Variants in LPIN3 observed in about 807,000 individuals in gnomAD.
LPIN3 encodes the protein phosphatidate phosphatase LPIN3.
Under a neutral mutation model 94.7 loss-of-function variants are expected in LPIN3, and 82 were observed. The observed-to-expected ratio is 0.87, with a 90% CI of 0.72 to 1.04. The LOEUF is 1.04. LPIN3 is among the 50% of genes least tolerant of loss of function. The pLI is 0.00. For synonymous variants in LPIN3, 418 were observed against 443.3 expected (o/e 0.94, Z 0.72); for missense variants, 996 against 1,090.5 (o/e 0.91, Z 1.22).
intron 2 of LPIN3, among the ~76,000 whole-genome samples, chr20:41,346,780 C>A (rs988637073): frequency 5.3e-5 from 8 of 152,146 alleles, no homozygotes; most frequent in Non-Finnish European, 7.3e-5. Flanking sequence ...TAAATAAATC[C>A]ATTCCACCTT....
At chr20:41,358,701 C>T (rs747108522) in intron 19 of LPIN3, 21 bp from the exon 20 acceptor site, 1 of 1,612,878 alleles carries the variant, frequency 6.2e-7, no homozygotes, top group Non-Finnish European at 8.5e-7. Flanking sequence ...AGGCTCAGTG[C>T]TGGCCCCCTT....
Position 41,359,835 on chromosome 20 carries a change from C to T in LPIN3, c.*969C>T, listed in dbSNP as rs1469951093. The T allele has an allele frequency of 6.6e-6, 1 of 152,258 alleles. No homozygotes were observed. Among genetic ancestry groups the T allele is most frequent in the Non-Finnish European group, 1.5e-5 (1 of 68,078 alleles). The allele number at this position is 152,258 out of a possible 1,614,324, so 9.4% of individuals were successfully genotyped here. A position where few individuals can be genotyped will look rare whatever the true frequency, so the allele number is the denominator to read the frequency against. ...CTGGGGCAGGTGTTGGCCTGAAAGT[C>T]CTCCCCCAGCCTCTGCTGGCCAGCT... On this transcript the variant is annotated 3_prime_UTR_variant, in exon 20 of 20. Coordinates refer to ENST00000373257, the MANE Select transcript of LPIN3 (RefSeq NM_022896.3).
intron 2 of LPIN3, among the ~76,000 whole-genome samples, chr20:41,347,091 A>G (rs2045806545): frequency 6.6e-6 from 1 of 152,236 alleles, no homozygotes; most frequent in Non-Finnish European, 1.5e-5. Context: ...TGCAGAGATT[A>G]AATGAGATAA....
chr20:41,353,110 C>A (rs1333591728), intron 11 of LPIN3, among the ~76,000 whole-genome samples: 1 of 152,204 alleles, frequency 6.6e-6, no homozygotes, highest in Non-Finnish European at 1.5e-5. Flanking sequence ...GAGCTCAGGA[C>A]AAACCAGAGG....
intron 5 of LPIN3, among the ~76,000 whole-genome samples, chr20:41,349,528 T>C (rs1600721419): frequency 6.6e-6 from 1 of 152,092 alleles, no homozygotes; most frequent in Non-Finnish European, 1.5e-5. Flanking sequence ...TCTTTTTTTT[T>C]CCTTCCTTCC....
chr20:41,357,089 C>A lies in LPIN3; in HGVS notation c.1853C>A (p.Thr618Asn), dbSNP rs750795339. 8 of 1,614,084 alleles carry A rather than the reference C, an allele frequency of 5.0e-6. No individual in the cohort carries two copies. Among genetic ancestry groups the A allele is most frequent in the Non-Finnish European group, 3.4e-6 (4 of 1,179,996 alleles). Residue 618 changes from threonine (T) to asparagine (N), a missense_variant, in exon 15 of 20, where the codon ACC (threonine) becomes AAC (asparagine). Coordinates refer to ENST00000373257, the MANE Select transcript of LPIN3 (RefSeq NM_022896.3). The part of the protein sequence containing the change: ...EGANDVVFSV[T>N]TQYQGTCRCK... ...GCCAATGATGTGGTCTTCAGCGTGA[C>A]CACTCAGTACCAGGGCACCTGCCGC... is the stretch of plus-strand genomic sequence containing the variant.
In LPIN3 at chr20:41,349,025, C is replaced by T. The variant is rs576750113; in HGVS notation, c.558-67C>T. On this transcript the variant is annotated intron_variant, in intron 4 of 19. Transcript: ENST00000373257. ...TTCACCTTACCAAGCCCCTGATGTC[C>T]AGGCTCTCATGCCTGCCTGGGGCAT... The T allele has an allele frequency of 5.9e-5, 95 of 1,598,638 alleles. No individual in the cohort carries two copies. The Admixed American group carries it at 1.6e-3, about 27-fold the overall frequency.
intron 14 of LPIN3, among the ~76,000 whole-genome samples, chr20:41,356,251 G>A (rs573074572): frequency 2.0e-5 from 3 of 152,270 alleles, no homozygotes; most frequent in East Asian, 3.9e-4. Flanking sequence ...GTCAGACACC[G>A]GGAAAGCTGT....
intron 1 of LPIN3, among the ~76,000 whole-genome samples, chr20:41,342,824 G>T (rs2045634556): frequency 6.6e-6 from 1 of 152,208 alleles, no homozygotes; most frequent in Admixed American, 6.5e-5. Context: ...CGTGACATTA[G>T]ATCTGAGGGA....
rs1285845509 is a variant in LPIN3 at position 41,356,107 on chromosome 20, G to T, written c.1803+73G>T. 5 of 1,560,228 alleles carry T rather than the reference G, an allele frequency of 3.2e-6. No homozygotes were observed. In the African/African-American group the frequency reaches 6.8e-5, roughly 21 times the overall value. Reference sequence around the variant, plus strand: ...TCTGTCTTAGAGTCCCTCAGGACCTGGCTGAGAAATGGCTCCAGGGAGCCA... The same window carrying T: ...TCTGTCTTAGAGTCCCTCAGGACCTTGCTGAGAAATGGCTCCAGGGAGCCA... On this transcript the variant is annotated intron_variant, in intron 14 of 19. Transcript: ENST00000373257.
Position 41,348,711 on chromosome 20 carries a change from G to C in LPIN3, c.381G>C (p.Glu127Asp). The C allele has an allele frequency of 6.2e-7, 1 of 1,613,966 alleles. No homozygotes were observed. The change falls in exon 4 of 20, where the codon GAG becomes GAC. Residue 127 changes from glutamate to aspartate, a missense_variant. Transcript: ENST00000373257. ...ACTCCCAGCTGGGCACTGCCAGTGA[G>C]CCTGAGGGCCTCGTCATGGCAGGCA... ...PSDSQLGTAS[E>D]PEGLVMAGTA... is the part of the protein sequence containing the mutation.
At chr20:41,346,720 G>A (rs565020058) in intron 2 of LPIN3, among the ~76,000 whole-genome samples, 39 of 152,248 alleles carry the variant, frequency 2.6e-4, no homozygotes, top group African/African-American at 8.7e-4. Context: ...TAGCCTGGGC[G>A]ACAAGAGCGA....
rs774662597 is a variant in LPIN3, at chr20:41,350,111, A to C, written c.816A>C (p.Ala272=). The stretch of plus-strand genomic sequence containing the variant: ...TGGTCCTTGAAGGCAGAGCTGGGGC[A>C]ACCTCTCCTCCTCGGGGAGGACCCA... ...SSVVLEGRAG[A]TSPPRGGPST... The change falls in exon 7 of 20, where the codon GCA becomes GCC. Residue 272 remains alanine, a synonymous_variant. Coordinates refer to ENST00000373257, the MANE Select transcript of LPIN3 (RefSeq NM_022896.3). The C allele has an allele frequency of 6.2e-7, 1 of 1,611,432 alleles. No homozygotes were observed. The highest frequency in any genetic ancestry group is 1.3e-5 in the African/African-American group (1 of 75,016).
chr20:41,350,380 G>A lies in LPIN3; in HGVS notation c.1085G>A (p.Arg362Lys). The A allele has an allele frequency of 6.4e-7, 1 of 1,570,298 alleles. No individual in the cohort carries two copies. The highest frequency in any genetic ancestry group is 2.3e-5 in the East Asian group (1 of 44,218). ...CCAGTTCCCACCGGGCAGCCAGAGA[G>A]GGTCTCCAGGGGGAAAGGTGAGTGA... ...EVPVPTGQPE[R>K]VSRGKGSPKR... The change falls in exon 7 of 20, where the codon AGG (arginine) becomes AAG (lysine). Residue 362 changes from arginine to lysine, a missense_variant. Arg to Lys is a conservative substitution (Grantham distance 26). Coordinates refer to ENST00000373257, the MANE Select transcript of LPIN3 (RefSeq NM_022896.3).
chr20:41,347,788 T>C, intron 3 of LPIN3, 141 bp downstream of exon 3: 1 of 702,404 alleles, frequency 1.4e-6, no homozygotes, highest in Non-Finnish European at 2.4e-6. Flanking sequence ...GGGTATCAGT[T>C]GGGGCTGGCC....
At position 41,358,824 on chromosome 20, in the gene LPIN3, GC is replaced by G. The variant is rs1376516181; in HGVS notation, c.2515del (p.Arg839GlyfsTer30). On this transcript the variant is annotated frameshift_variant, in exon 20 of 20. Coordinates refer to ENST00000373257, the MANE Select transcript of LPIN3 (RefSeq NM_022896.3). LOFTEE classifies it high-confidence loss of function. The stretch of plus-strand genomic sequence containing the variant: ...CTGAATACAGTAACTTCTGCTACTG[GC>G]GGGAGCCACTGCCTGCTGTGGACCT... The part of the protein sequence containing the change: ...NPEYSNFCYW[R>X]EPLPAVDLDT... 1 of 1,613,962 alleles carries G rather than the reference GC, an allele frequency of 6.2e-7. No homozygotes were observed. The highest frequency in any genetic ancestry group is 8.5e-7 in the Non-Finnish European group (1 of 1,180,034).
intron 9 of LPIN3, 118 bp downstream of exon 9, chr20:41,352,338 C>A: frequency 8.2e-7 from 1 of 1,218,098 alleles, no homozygotes; most frequent in Non-Finnish European, 1.2e-6. Flanking sequence ...TTCCCTGCAG[C>A]TCTCTGCCCT....
rs754402686 is a variant in LPIN3 at position 41,354,856 on chromosome 20, CA to C, written c.1658del (p.Gln553ArgfsTer9). On this transcript the variant is annotated frameshift_variant, in exon 13 of 20. Coordinates refer to ENST00000373257, the MANE Select transcript of LPIN3 (RefSeq NM_022896.3). LOFTEE classifies it high-confidence loss of function. ...GAAGGAGAAGACTGCAGCCAAGGAG[CA>C]GCAGGGGTGAGTGAGACCCCCTATT... ...AQKEKTAAKE[Q>X]QGEKTEVLSS... 2.0e-5 allele frequency: 32 copies of C among 1,566,838 alleles called. No individual in the cohort carries two copies. Among genetic ancestry groups the C allele is most frequent in the Non-Finnish European group, 2.6e-5 (30 of 1,155,586 alleles).
rs373358212 is a variant in LPIN3, at chr20:41,358,342, T to C, written c.2298T>C (p.Asn766=). 9.3e-6 allele frequency: 15 copies of C among 1,614,118 alleles called. No individual in the cohort carries two copies. Among genetic ancestry groups the C allele is most frequent in the African/African-American group, 2.7e-5 (2 of 75,032 alleles). Residue 766 remains asparagine, a synonymous_variant, in exon 18 of 20, where the codon AAT becomes AAC. Coordinates refer to ENST00000373257, the MANE Select transcript of LPIN3 (RefSeq NM_022896.3). ...HGQPFYAAFG[N]RPNDVFAYRQ... is the part of the protein sequence containing the mutation. Reference sequence around the variant, plus strand: ...AGCCCTTCTATGCTGCCTTTGGGAATAGGCCCAATGTGAGTGTGTCCCCTC... The same window carrying C: ...AGCCCTTCTATGCTGCCTTTGGGAACAGGCCCAATGTGAGTGTGTCCCCTC...
Sources: allele counts gnomAD v4.1 joint callset (sites outside exome capture counted in the v4.1 genomes callset), GRCh38; gene constraint gnomAD v4.1.1; transcripts MANE v1.5; gene names NCBI Gene and HGNC (gene_info 2026-07-23, HGNC 2026-07-21).